The following AKAP19 variants were observed in gnomAD, a reference collection of about 807,000 sequenced individuals.
The protein encoded by AKAP19 is small A-kinase anchoring protein.
chr2:190,141,775 C>T, the AKAP19 span, among the ~76,000 whole-genome samples: 138,766 of 152,248 alleles, frequency 0.91, 64,140 homozygotes, highest in East Asian at 1. Flanking sequence ...GCTTGCTGCC[C>T]AATGTGCTAG....
At chr2:190,083,399 T>C in the AKAP19 span, among the ~76,000 whole-genome samples, 1 of 152,160 alleles carries the variant, frequency 6.6e-6, no homozygotes, top group Non-Finnish European at 1.5e-5. Flanking sequence ...TACTCTCTTG[T>C]CAACCTAAAG....
chr2:190,108,499 T>C, the AKAP19 span, among the ~76,000 whole-genome samples: 1 of 152,232 alleles, frequency 6.6e-6, no homozygotes, highest in African/African-American at 2.4e-5. Context: ...AGCTATTGTC[T>C]ATGATTTGCC....
At chr2:190,020,126 C>T in the AKAP19 span, among the ~76,000 whole-genome samples, 1 of 152,158 alleles carries the variant, frequency 6.6e-6, no homozygotes, top group Non-Finnish European at 1.5e-5. Context: ...AGCACCAAGT[C>T]AGCTACAAAC....
the AKAP19 span, among the ~76,000 whole-genome samples, chr2:190,040,475 T>C: frequency 6.6e-6 from 1 of 152,200 alleles, no homozygotes; most frequent in Non-Finnish European, 1.5e-5. Context: ...ATTGTCTGTT[T>C]ACTTTGTTGG....
the AKAP19 span, among the ~76,000 whole-genome samples, chr2:190,004,294 TCA>T: frequency 6.6e-6 from 1 of 151,886 alleles, no homozygotes; most frequent in South Asian, 2.1e-4. Flanking sequence ...AAAAACATTC[TCA>T]GTTTATTAAT....
At chr2:190,057,374 G>A in the AKAP19 span, 6 of 1,613,596 alleles carry the variant, frequency 3.7e-6, no homozygotes, top group Non-Finnish European at 5.1e-6. Context: ...GTACAGCAAG[G>A]GCCTGCTGAA....
the AKAP19 span, among the ~76,000 whole-genome samples, chr2:190,058,566 G>A: frequency 1.3e-5 from 2 of 151,918 alleles, no homozygotes; most frequent in South Asian, 4.2e-4. Context: ...TATGTTTATC[G>A]CAGCATAATT....
the AKAP19 span, among the ~76,000 whole-genome samples, chr2:189,932,610 CAGA>C: frequency 6.6e-6 from 1 of 150,408 alleles, no homozygotes; most frequent in African/African-American, 2.5e-5. Flanking sequence ...GAGGCTGAGG[CAGA>C]AGGATTGCTT....
At chr2:190,112,763 A>C in the AKAP19 span, among the ~76,000 whole-genome samples, 1 of 152,130 alleles carries the variant, frequency 6.6e-6, no homozygotes, top group South Asian at 2.1e-4. Context: ...TAATATTTTT[A>C]GGATTTTGCA....
chr2:190,000,022 T>C, the AKAP19 span, among the ~76,000 whole-genome samples: 3 of 152,146 alleles, frequency 2.0e-5, no homozygotes, highest in Admixed American at 6.5e-5. Flanking sequence ...TAAATAAGAG[T>C]TAAACAGTTA....
At chr2:189,892,805 T>A in the AKAP19 span, among the ~76,000 whole-genome samples, 87 of 152,272 alleles carry the variant, frequency 5.7e-4, no homozygotes, top group African/African-American at 1.9e-3. Context: ...TAGGCAGGAA[T>A]GTTTAAGTCT....
the AKAP19 span, among the ~76,000 whole-genome samples, chr2:189,978,956 T>G: frequency 2.7e-4 from 41 of 152,086 alleles, no homozygotes; most frequent in African/African-American, 8.7e-4. Context: ...AGAAAAACAT[T>G]CAATGCTTAT....
the AKAP19 span, chr2:189,930,320 C>T: frequency 1.5e-6 from 1 of 653,902 alleles, no homozygotes; most frequent in Non-Finnish European, 2.3e-6. Flanking sequence ...GGAGGAGGGG[C>T]ACGTGAAGGA....
chr2:189,984,465 C>T, the AKAP19 span, among the ~76,000 whole-genome samples: 1 of 152,214 alleles, frequency 6.6e-6, no homozygotes, highest in Non-Finnish European at 1.5e-5. Context: ...ATTCCCTGAA[C>T]AATTGCTGTT....
the AKAP19 span, among the ~76,000 whole-genome samples, chr2:190,108,635 A>G: frequency 6.6e-6 from 1 of 152,208 alleles, no homozygotes; most frequent in Admixed American, 6.5e-5. Flanking sequence ...GTCTCAAATA[A>G]GATCTTCATC....
At chr2:190,190,863 C>G in the AKAP19 span, among the ~76,000 whole-genome samples, 3 of 152,120 alleles carry the variant, frequency 2.0e-5, no homozygotes, top group South Asian at 6.2e-4. Flanking sequence ...TTACAGCCAC[C>G]ACCACAATCG....
the AKAP19 span, among the ~76,000 whole-genome samples, chr2:190,065,708 G>C: frequency 6.6e-6 from 1 of 151,990 alleles, no homozygotes. Flanking sequence ...TTTTCCCCTG[G>C]GAACAATAGT....
At chr2:189,912,259 G>A in the AKAP19 span, among the ~76,000 whole-genome samples, 2 of 151,994 alleles carry the variant, frequency 1.3e-5, no homozygotes, top group East Asian at 1.9e-4. Context: ...GCCTGGATAT[G>A]GCTGGGTGCG....
chr2:190,060,337 T>G, the AKAP19 span: 10 of 1,612,600 alleles, frequency 6.2e-6, no homozygotes, highest in Admixed American at 1.3e-4. Context: ...CTCAAATATA[T>G]CCATAGTTGG....
Sources: allele counts gnomAD v4.1 joint callset (sites outside exome capture counted in the v4.1 genomes callset), GRCh38; gene constraint gnomAD v4.1.1; transcripts MANE v1.5; gene names NCBI Gene and HGNC (gene_info 2026-07-23, HGNC 2026-07-21).